DAB1: variants seen among roughly 807,000 people sequenced by gnomAD.
The protein encoded by DAB1 is DAB adaptor protein 1, also known as disabled homolog 1.
In DAB1, 15 loss-of-function variants were observed where a neutral mutation model predicts 64.6. The observed-to-expected ratio is 0.23, with a 90% CI of 0.16 to 0.36. DAB1 has a LOEUF of 0.36. Among genes scored for constraint, DAB1 ranks in the 10% least tolerant of loss-of-function variants. The pLI is 1.00. For synonymous variants in DAB1, 235 were observed against 251.9 expected (o/e 0.93, Z 0.64); for missense variants, 596 against 706.7 (o/e 0.84, Z 1.78).
intron 4 of DAB1, among the ~76,000 whole-genome samples, chr1:58,180,567 T>A (rs1424015746): frequency 6.6e-6 from 1 of 152,056 alleles, no homozygotes; most frequent in African/African-American, 2.4e-5. Flanking sequence ...AGTGCTGGGA[T>A]TACAGGGATG....
chr1:57,355,556 G>A (rs750138950), intron 1 of DAB1, among the ~76,000 whole-genome samples: 14 of 151,952 alleles, frequency 9.2e-5, no homozygotes, highest in Non-Finnish European at 1.5e-4. Flanking sequence ...AGTTGGGGGT[G>A]GGGCATGAGT....
intron 12 of DAB1, among the ~76,000 whole-genome samples, chr1:57,011,702 G>A (rs1040547054): frequency 1.3e-5 from 2 of 152,204 alleles, no homozygotes; most frequent in African/African-American, 2.4e-5. Context: ...TTTCATCAGA[G>A]GGCACGTTAT....
intron 7 of DAB1, among the ~76,000 whole-genome samples, chr1:57,618,626 G>A (rs1256702640): frequency 6.6e-6 from 1 of 152,160 alleles, no homozygotes; most frequent in Non-Finnish European, 1.5e-5. Context: ...ATGGGACCAA[G>A]TCACCAAGTG....
rs116762772 is a variant in DAB1 at position 57,402,012 on chromosome 1, A to C, written c.-137+21918T>G. 8.6e-3 allele frequency among the ~76,000 whole-genome samples: 1,316 copies of C among 152,304 alleles called. 26 individuals carry two copies. The highest frequency in any genetic ancestry group is 0.03 in the African/African-American group (1,250 of 41,552). On this transcript the variant is annotated intron_variant, in intron 1 of 14. Coordinates refer to ENST00000371236, the MANE Select transcript of DAB1 (RefSeq NM_001365792.1). ...ATAATGACACCATTATACAATAGTGACTTACTAGTTAAAAGTTGATGATAT... is the reference window on the plus strand; with the variant it reads ...ATAATGACACCATTATACAATAGTGCCTTACTAGTTAAAAGTTGATGATAT...
intron 3 of DAB1, among the ~76,000 whole-genome samples, chr1:58,448,093 C>A (rs1645091812): frequency 6.6e-6 from 1 of 152,152 alleles, no homozygotes; most frequent in Non-Finnish European, 1.5e-5. Flanking sequence ...GTATGTGTTT[C>A]TTTCCCTGAG....
intron 7 of DAB1, among the ~76,000 whole-genome samples, chr1:57,499,041 T>A (rs1644261017): frequency 1.3e-5 from 2 of 152,126 alleles, no homozygotes; most frequent in Non-Finnish European, 2.9e-5. Context: ...AGTGGCGTGA[T>A]CTCAGCTCAC....
intron 4 of DAB1, among the ~76,000 whole-genome samples, chr1:58,288,723 A>C (rs1007111379): frequency 1.3e-5 from 2 of 152,158 alleles, no homozygotes; most frequent in South Asian, 4.1e-4. Flanking sequence ...TTCTCCTTAT[A>C]TTTTTGCTTC....
rs190877080 is a variant in DAB1, at chr1:57,567,795, G to A, written n.625+81797C>T. On this transcript the variant is annotated intron_variant and non_coding_transcript_variant, in intron 7 of 20. Transcript: ENST00000485760. ...TAAAAGAGGACACAAACAAATGGAA[G>A]AACATTCATGCTCATGGATAGGAAG... Among the ~76,000 whole-genome samples the A allele has an allele frequency of 3.6e-3, 550 of 152,254 alleles. 6 individuals carry two copies. Among genetic ancestry groups the A allele is most frequent in the African/African-American group, 0.013 (529 of 41,536 alleles).
At chr1:57,602,613 C>G (rs1303223640) in intron 7 of DAB1, among the ~76,000 whole-genome samples, 1 of 152,100 alleles carries the variant, frequency 6.6e-6, no homozygotes, top group Non-Finnish European at 1.5e-5. Context: ...GGGAAAAGAC[C>G]AGGTAGTTAG....
intron 3 of DAB1, among the ~76,000 whole-genome samples, chr1:58,421,981 T>C (rs181557799): frequency 1.3e-5 from 2 of 150,532 alleles, no homozygotes; most frequent in African/African-American, 2.4e-5. Context: ...TCTCTTTGGG[T>C]GCTATTAAGT....
intron 6 of DAB1, among the ~76,000 whole-genome samples, chr1:57,662,760 A>C (rs1646402140): frequency 6.6e-6 from 1 of 152,230 alleles, no homozygotes; most frequent in African/African-American, 2.4e-5. Flanking sequence ...GACCAGCTCA[A>C]GTGCTTGCCT....
intron 5 of DAB1, among the ~76,000 whole-genome samples, chr1:57,943,716 C>A (rs1188334660): frequency 6.6e-6 from 1 of 152,118 alleles, no homozygotes; most frequent in Non-Finnish European, 1.5e-5. Flanking sequence ...GATAACAATT[C>A]TTTAGACATG....
intron 5 of DAB1, among the ~76,000 whole-genome samples, chr1:57,944,919 A>G (rs1645161878): frequency 6.6e-6 from 1 of 152,138 alleles, no homozygotes. Flanking sequence ...ATAAGCACAC[A>G]CCTTCTTTTT....
At chr1:57,804,425 C>T (rs1247987275) in intron 6 of DAB1, among the ~76,000 whole-genome samples, 1 of 152,192 alleles carries the variant, frequency 6.6e-6, no homozygotes, top group Non-Finnish European at 1.5e-5. Flanking sequence ...CTCTGGCCCC[C>T]TGCAAAGGGG....
chr1:58,124,100 G>A (rs187983929), intron 5 of DAB1, among the ~76,000 whole-genome samples: 24 of 152,106 alleles, frequency 1.6e-4, no homozygotes, highest in African/African-American at 3.4e-4. Context: ...GTATGTGTGC[G>A]TGCATGTTTA....
At chr1:57,298,016 C>T (rs1040567979) in intron 1 of DAB1, among the ~76,000 whole-genome samples, 1 of 152,184 alleles carries the variant, frequency 6.6e-6, no homozygotes, top group African/African-American at 2.4e-5. Flanking sequence ...ATCCTCCTGC[C>T]CCCTGGACCA....
intron 1 of DAB1, among the ~76,000 whole-genome samples, chr1:57,853,621 C>T (rs1425058166): frequency 6.6e-6 from 1 of 152,166 alleles, no homozygotes; most frequent in African/African-American, 2.4e-5. Flanking sequence ...AATAAGTGAA[C>T]TAAAATCAAT....
At chr1:57,187,481 T>C (rs773164260) in intron 2 of DAB1, among the ~76,000 whole-genome samples, 3 of 152,176 alleles carry the variant, frequency 2.0e-5, no homozygotes, top group Non-Finnish European at 4.4e-5. Flanking sequence ...AAGATGTAAA[T>C]GTGCTATGGG....
At chr1:57,521,802 G>A (rs1644529987) in intron 7 of DAB1, among the ~76,000 whole-genome samples, 1 of 152,104 alleles carries the variant, frequency 6.6e-6, no homozygotes, top group African/African-American at 2.4e-5. Context: ...CTACAGAGGG[G>A]GTATCAAAGA....
Sources: allele counts gnomAD v4.1 joint callset (sites outside exome capture counted in the v4.1 genomes callset), GRCh38; gene constraint gnomAD v4.1.1; transcripts MANE v1.5; gene names NCBI Gene and HGNC (gene_info 2026-07-23, HGNC 2026-07-21).